Variants in ZC3H3 observed in about 807,000 individuals in gnomAD.
ZC3H3 encodes the protein zinc finger CCCH domain-containing protein 3.
In ZC3H3, 36 loss-of-function variants were observed where a neutral mutation model predicts 77.3. The observed-to-expected ratio is 0.47, with a 90% CI of 0.36 to 0.61. The LOEUF (loss-of-function observed/expected upper bound fraction) is 0.61. Among genes scored for constraint, ZC3H3 ranks in the 20% least tolerant of loss-of-function variants. The pLI is 0.00. For synonymous variants in ZC3H3, 626 were observed against 555.2 expected (o/e 1.13, Z -1.79); for missense variants, 1,331 against 1,312.2 (o/e 1.01, Z -0.22).
At chr8:143,540,294 C>T (rs1447421363) in intron 1 of ZC3H3, among the ~76,000 whole-genome samples, 1 of 148,630 alleles carries the variant, frequency 6.7e-6, no homozygotes, top group African/African-American at 2.5e-5. Flanking sequence ...AGTGCAGTGG[C>T]CCAATCACGG....
chr8:143,441,175 CG>C, intron 9 of ZC3H3, 55 bp from the exon 10 acceptor site: 1 of 1,352,518 alleles, frequency 7.4e-7, no homozygotes, highest in Non-Finnish European at 9.5e-7. Flanking sequence ...TGGCGCTGCA[CG>C]GGGAAGGCAA....
intron 4 of ZC3H3, among the ~76,000 whole-genome samples, chr8:143,486,792 C>T (rs1255182408): frequency 2.7e-5 from 4 of 148,380 alleles, no homozygotes; most frequent in African/African-American, 5.1e-5. Flanking sequence ...GAACAGCACC[C>T]GCTACACGAC....
At chr8:143,461,499 C>T (rs1820260814) in intron 9 of ZC3H3, among the ~76,000 whole-genome samples, 1 of 152,198 alleles carries the variant, frequency 6.6e-6, no homozygotes. Context: ...TGCAATTCCA[C>T]TCCTAGGTGT....
At chr8:143,453,684 G>A (rs545336837) in intron 9 of ZC3H3, among the ~76,000 whole-genome samples, 2 of 152,350 alleles carry the variant, frequency 1.3e-5, no homozygotes, top group East Asian at 1.9e-4. Flanking sequence ...TAAAGAACAA[G>A]ATAAGCAAAA....
chr8:143,465,971 G>A, intron 8 of ZC3H3, 123 bp from the exon 9 acceptor site: 1 of 1,367,048 alleles, frequency 7.3e-7, no homozygotes, highest in Non-Finnish European at 9.8e-7. Flanking sequence ...CCAGCAGGCA[G>A]GAAGGGCAGC....
chr8:143,470,447 C>T (rs545764299), intron 5 of ZC3H3, among the ~76,000 whole-genome samples: 15 of 152,300 alleles, frequency 9.8e-5, no homozygotes, highest in East Asian at 3.9e-4. Flanking sequence ...GGGCAGCCCC[C>T]GTTCTCAGGC....
In ZC3H3 at chr8:143,479,252, G is replaced by A. The variant is rs180677082; in HGVS notation, c.1716-3667C>T. 4.2e-4 allele frequency among the ~76,000 whole-genome samples: 64 copies of A among 152,330 alleles called. No homozygotes were observed. In the East Asian group the frequency reaches 0.012, roughly 28 times the overall value. On this transcript the variant is annotated intron_variant, in intron 4 of 11. Coordinates refer to ENST00000262577, the MANE Select transcript of ZC3H3 (RefSeq NM_015117.3). ...TGGAACCTACAGCAGGAGGGTGCTG[G>A]GAGGGCATGGGGCGAGGGCCTTGTA...
At chr8:143,536,077 G>A (rs570227150) in intron 3 of ZC3H3, among the ~76,000 whole-genome samples, 180 bp downstream of exon 3, 5 of 152,320 alleles carry the variant, frequency 3.3e-5, no homozygotes, top group African/African-American at 7.2e-5. Context: ...ACTGCAGGGC[G>A]CAGCATCCGG....
intron 9 of ZC3H3, among the ~76,000 whole-genome samples, chr8:143,453,670 G>A (rs1820042944): frequency 6.6e-6 from 1 of 152,120 alleles, no homozygotes; most frequent in African/African-American, 2.4e-5. Context: ...ACAACAGGAA[G>A]GAATAAAGAA....
In ZC3H3 at chr8:143,493,639, A is replaced by G. The variant is rs1280753027; in HGVS notation, c.1715+14107T>C. 6.6e-6 allele frequency among the ~76,000 whole-genome samples: 1 copy of G among 152,212 alleles called. No individual in the cohort carries two copies. Among genetic ancestry groups the G allele is most frequent in the Non-Finnish European group, 1.5e-5 (1 of 68,036 alleles). ...CACAGCACACTTTGAAACAACTTCC[A>G]AATTAAGAGTTGCATCCATGCTGTC... On this transcript the variant is annotated intron_variant, in intron 4 of 11. Transcript: ENST00000262577. This position sits in a 1 kb window ranked among gnomAD's most constrained non-coding sequence, Gnocchi z 4.8.
chr8:143,482,039 G>T (rs148096964), intron 4 of ZC3H3, among the ~76,000 whole-genome samples: 24 of 152,366 alleles, frequency 1.6e-4, no homozygotes, highest in African/African-American at 5.3e-4. Flanking sequence ...TCAAGTCCCT[G>T]CCAAGACCCT....
At chr8:143,479,183 G>C (rs1320141518) in intron 4 of ZC3H3, among the ~76,000 whole-genome samples, 1 of 152,196 alleles carries the variant, frequency 6.6e-6, no homozygotes, top group Non-Finnish European at 1.5e-5. Context: ...AGCTGTCTAG[G>C]GTTGCCCTCA....
chr8:143,488,519 GC>G, intron 4 of ZC3H3, among the ~76,000 whole-genome samples: 8 of 151,650 alleles, frequency 5.3e-5, no homozygotes, highest in East Asian at 3.9e-4. Flanking sequence ...TCACCACGAA[GC>G]TCAGACACAG....
intron 4 of ZC3H3, among the ~76,000 whole-genome samples, chr8:143,504,960 G>A (rs999018564): frequency 2.0e-5 from 3 of 152,228 alleles, no homozygotes; most frequent in Admixed American, 2.0e-4. Context: ...AAGGCTCTGA[G>A]GGCAAGAGGC....
intron 3 of ZC3H3, among the ~76,000 whole-genome samples, chr8:143,516,584 C>T (rs1822059280): frequency 6.6e-6 from 1 of 151,586 alleles, no homozygotes; most frequent in South Asian, 2.1e-4. Flanking sequence ...CACACACTCA[C>T]TCTCATGCAC....
At chr8:143,465,235 C>T (rs943416669) in intron 9 of ZC3H3, among the ~76,000 whole-genome samples, 2 of 152,162 alleles carry the variant, frequency 1.3e-5, no homozygotes, top group Non-Finnish European at 2.9e-5. Context: ...ACGGCTCAGG[C>T]GGCCCCCTTG....
chr8:143,454,740 A>G (rs1820070623), intron 9 of ZC3H3, among the ~76,000 whole-genome samples: 2 of 152,100 alleles, frequency 1.3e-5, no homozygotes, highest in African/African-American at 2.4e-5. Flanking sequence ...AGTGCATGCT[A>G]TTCTGAGCAG....
intron 4 of ZC3H3, 103 bp from the exon 5 acceptor site, chr8:143,475,688 CAGGGAGCAGCA>C: frequency 7.5e-7 from 1 of 1,338,592 alleles, no homozygotes. Flanking sequence ...CCAAGGGGGA[CAGGGAGCAGCA>C]CTTGCGGTGG....
rs1405454372 is a variant in ZC3H3, at chr8:143,468,554, G to A, written c.1947-14C>T. 1.2e-6 allele frequency: 2 copies of A among 1,605,072 alleles called. No homozygotes were observed. The highest frequency in any genetic ancestry group is 1.1e-5 in the South Asian group (1 of 89,642). On this transcript the variant is annotated splice_polypyrimidine_tract_variant and intron_variant, in intron 6 of 11. Transcript: ENST00000262577. ...TGCACTGCCCGGCTGCAGACGGGGA[G>A]AGAGGTGCGTGAGCCTGAGGGCGAG...
Sources: gnomAD v4.1 joint callset for allele counts (sites outside exome capture counted in the v4.1 genomes callset) on GRCh38, gnomAD v4.1.1 for gene constraint, Gnocchi (gnomAD v3.1) non-coding constraint, MANE v1.5 for transcripts, NCBI Gene and HGNC (gene_info 2026-07-23, HGNC 2026-07-21) for gene names.